Variants in IAH1 observed in about 807,000 individuals in gnomAD.
IAH1 encodes isoamyl acetate hydrolyzing esterase 1 (putative).
In IAH1, 24 loss-of-function variants were observed where a neutral mutation model predicts 26.7. The observed-to-expected ratio is 0.90, with a 90% CI of 0.65 to 1.26. The LOEUF is 1.26. IAH1 is among the 50% of genes most tolerant of loss of function. The pLI is 0.00. For missense variants in IAH1, 300 were observed against 299.9 expected, an observed-to-expected ratio of 1.00 and a Z score of 0.00; for synonymous variants, 140 against 118.5, an observed-to-expected ratio of 1.18 and a Z score of -1.18.
At chr2:9,497,059 G>A, downstream of IAH1, 3 of 1,589,142 alleles carry the variant, frequency 1.9e-6, no homozygotes, top group Non-Finnish European at 2.6e-6. Context: ...AAGGGAGCCT[G>A]GCAGACAAAG....
At chr2:9,478,059 G>A (rs1270775182) in intron 2 of IAH1, among the ~76,000 whole-genome samples, 163 bp from the exon 3 acceptor site, 2 of 152,188 alleles carry the variant, frequency 1.3e-5, no homozygotes, top group East Asian at 1.9e-4. Context: ...AGATTAGCAT[G>A]CTTCAGCTAT....
rs1452771507 is a variant in IAH1 at position 9,484,433 on chromosome 2, T to G, written c.447T>G (p.Gly149=). 6.2e-7 allele frequency: 1 copy of G among 1,613,526 alleles called. No individual in the cohort carries two copies. The highest frequency in any genetic ancestry group is 8.5e-7 in the Non-Finnish European group (1 of 1,179,420). The stretch of plus-strand genomic sequence containing the variant: ...ACCTCTATTTCTTCTCTTCAATAGG[T>G]TGCAAACTAAATCGCCTGAACTCTG... ...TAWEEQCIIQ[G]CKLNRLNSVV... is the part of the protein sequence containing the mutation. Residue 149 remains glycine, a splice_region_variant and synonymous_variant, in exon 5 of 6, where the codon GGT becomes GGG. Transcript: ENST00000497473.
the IAH1 span, among the ~76,000 whole-genome samples, chr2:9,511,593 T>C: frequency 6.6e-6 from 1 of 152,214 alleles, no homozygotes; most frequent in African/African-American, 2.4e-5. Flanking sequence ...ACTTAATCTA[T>C]CAGATTATCA....
At chr2:9,475,899 A>G (rs1435353384) in intron 1 of IAH1, 88 bp from the exon 2 acceptor site, 68 of 1,134,314 alleles carry the variant, frequency 6.0e-5, no homozygotes, top group Non-Finnish European at 8.6e-5. Context: ...GGGAGCGCCG[A>G]GAAAACAGAA....
chr2:9,488,023 TG>T (rs1044870315), intron 5 of IAH1, 123 bp from the exon 6 acceptor site: 1 of 632,790 alleles, frequency 1.6e-6, no homozygotes, highest in African/African-American at 1.9e-5. Flanking sequence ...TAAAATTTTT[TG>T]TAGAGACAGG....
intron 3 of IAH1, among the ~76,000 whole-genome samples, chr2:9,480,015 G>A (rs1394362960): frequency 6.6e-6 from 1 of 151,732 alleles, no homozygotes; most frequent in African/African-American, 2.4e-5. Context: ...CCCCATGTTG[G>A]TCAGGCTGGT....
Position 9,489,085 on chromosome 2 carries a change from AG to A in IAH1, c.*757del, listed in dbSNP as rs1316113475. ...CTGAAGTATCAAGTCTTGTGGGGAC[AG>A]CCCCCAACCCTAAGGGCAGGTAGTA... is the stretch of plus-strand genomic sequence containing the variant. On this transcript the variant is annotated 3_prime_UTR_variant, in exon 6 of 6. Transcript: ENST00000497473. The A allele has an allele frequency of 3.3e-5, 5 of 152,284 alleles. No individual in the cohort carries two copies. The highest frequency in any genetic ancestry group is 1.2e-4 in the African/African-American group (5 of 41,560). 9.4% of individuals were successfully genotyped at this position (152,284 alleles called of 1,614,324 possible). A position where few individuals can be genotyped will look rare whatever the true frequency, so the allele number is the denominator to read the frequency against.
the IAH1 span, chr2:9,502,050 C>T: frequency 7.0e-6 from 6 of 858,004 alleles, no homozygotes; most frequent in South Asian, 1.0e-4. Flanking sequence ...GTGCCAGAAA[C>T]TCAACCCGGC....
At chr2:9,481,137 TAAG>T (rs773697891) in intron 3 of IAH1, 146 bp from the exon 4 acceptor site, 2 of 814,218 alleles carry the variant, frequency 2.5e-6, no homozygotes, top group Non-Finnish European at 3.9e-6. Flanking sequence ...TTTTAATTCA[TAAG>T]GAGAAAACCT....
At chr2:9,492,202 G>A (rs140298748), downstream of IAH1, among the ~76,000 whole-genome samples, 477 of 152,312 alleles carry the variant, frequency 3.1e-3, 2 homozygotes, top group Admixed American at 4.8e-3. Context: ...GGGAAAACAA[G>A]TCTGGAAGCC....
chr2:9,502,350 G>A, the IAH1 span: 33 of 1,265,522 alleles, frequency 2.6e-5, no homozygotes, highest in Non-Finnish European at 2.9e-5. Flanking sequence ...CTACAGTTAC[G>A]TTACAGTGAC....
intron 1 of IAH1, chr2:9,475,636 G>T: frequency 3.2e-6 from 1 of 308,834 alleles, no homozygotes; most frequent in Non-Finnish European, 6.2e-6. Context: ...GAGTAGCTGG[G>T]ATTATAGACG....
At chr2:9,479,795 C>CTTTTGTTTTTTTTT (rs1661050947) in intron 3 of IAH1, among the ~76,000 whole-genome samples, 1 of 69,848 alleles carries the variant, frequency 1.4e-5, no homozygotes, top group East Asian at 1.2e-3. Flanking sequence ...CTGTGTATTG[C>CTTTTGTTTTTTTTT]TTTTTTTTTT....
At chr2:9,487,788 T>TTGTGTGTGTGTGTGTGTGTGTGTGTG (rs70948823) in intron 5 of IAH1, among the ~76,000 whole-genome samples, 1 of 133,966 alleles carries the variant, frequency 7.5e-6, no homozygotes, top group African/African-American at 2.9e-5. Context: ...CCCGGCCTTT[T>TTGTGTGTGTGTGTGTGTGTGTGTGTG]TGTGTGTGTG....
the IAH1 span, among the ~76,000 whole-genome samples, chr2:9,506,370 T>G: frequency 1.5e-4 from 22 of 144,498 alleles, no homozygotes; most frequent in African/African-American, 5.7e-4. Context: ...TTTTTTTTTT[T>G]TTTTTTTTTT....
At chr2:9,480,371 T>C in intron 3 of IAH1, among the ~76,000 whole-genome samples, 1 of 152,094 alleles carries the variant, frequency 6.6e-6, no homozygotes, top group Middle Eastern at 3.2e-3. Flanking sequence ...TGGTGTTGCG[T>C]GCCTGTAGTC....
chr2:9,481,440 C>A lies in IAH1; in HGVS notation c.438C>A (p.Ile146=). The change falls in exon 4 of 6, where the codon ATC becomes ATA. Residue 146 remains isoleucine, a synonymous_variant. Coordinates refer to ENST00000497473, the MANE Select transcript of IAH1 (RefSeq NM_001039613.3). ...LCETAWEEQC[I]IQGCKLNRLN... is the part of the protein sequence containing the mutation. ...AAACAGCCTGGGAAGAACAGTGCAT[C>A]ATACAAGGTAAACAAACCACAGCCA... 1 of 1,614,110 alleles carries A rather than the reference C, an allele frequency of 6.2e-7. No homozygotes were observed. Among genetic ancestry groups the A allele is most frequent in the South Asian group, 1.1e-5 (1 of 91,070 alleles).
At chr2:9,494,666 G>C (rs1401172960), downstream of IAH1, 2 of 1,614,062 alleles carry the variant, frequency 1.2e-6, no homozygotes, top group South Asian at 2.2e-5. Flanking sequence ...ACTGTACAGG[G>C]CTTTCCTTTC....
At chr2:9,477,063 T>C (rs1392289718) in intron 2 of IAH1, among the ~76,000 whole-genome samples, 1 of 152,162 alleles carries the variant, frequency 6.6e-6, no homozygotes, top group Non-Finnish European at 1.5e-5. Flanking sequence ...TTCATTAAAG[T>C]ATTGTGATTT....
Sources: gnomAD v4.1 joint callset for allele counts (sites outside exome capture counted in the v4.1 genomes callset) on GRCh38, gnomAD v4.1.1 for gene constraint, MANE v1.5 for transcripts, NCBI Gene and HGNC (gene_info 2026-07-23, HGNC 2026-07-21) for gene names.